TPCN1: variants seen among roughly 807,000 people sequenced by gnomAD.
TPCN1 encodes two pore channel protein 1.
In TPCN1, 52 loss-of-function variants were observed where a neutral mutation model predicts 108.8. The ratio of observed to expected loss-of-function variants is 0.48; its 90% CI spans 0.38 to 0.60. TPCN1 has a LOEUF of 0.60. Ranked by LOEUF, TPCN1 falls within the 20% of genes least tolerant of loss-of-function variation. The probability of loss-of-function intolerance (pLI) is 0.00; values close to 1 mark genes in which losing one functional copy is unlikely to be tolerated. For missense variants in TPCN1, 806 were observed against 1,072.8 expected, an observed-to-expected ratio of 0.75 and a Z score of 3.47; for synonymous variants, 446 against 433.7, an observed-to-expected ratio of 1.03 and a Z score of -0.35.
chr12:113,274,733 T>C (rs1955616690), intron 10 of TPCN1, among the ~76,000 whole-genome samples: 1 of 152,178 alleles, frequency 6.6e-6, no homozygotes, highest in African/African-American at 2.4e-5. Context: ...AGGTAGTGAG[T>C]ATGGTTCTCC....
intron 25 of TPCN1, chr12:113,292,167 A>G (rs150366230): frequency 7.3e-5 from 41 of 564,168 alleles, no homozygotes; most frequent in Non-Finnish European, 1.2e-4. Flanking sequence ...TAACTTTAAA[A>G]TAAGACAGAG....
At chr12:113,248,957 G>A (rs193069964) in intron 2 of TPCN1, among the ~76,000 whole-genome samples, 1 of 152,334 alleles carries the variant, frequency 6.6e-6, no homozygotes, top group South Asian at 2.1e-4. Context: ...CCACAGTGTG[G>A]CAGGGGAGCT....
Position 113,267,835 on chromosome 12 carries a change from G to A in TPCN1, c.415-8G>A. The A allele has an allele frequency of 6.2e-7, 1 of 1,605,908 alleles. No homozygotes were observed. The highest frequency in any genetic ancestry group is 8.5e-7 in the Non-Finnish European group (1 of 1,172,554). ...GCCATGACACATCTCCACACCCTCT[G>A]GTCTCAGGTCCACGCCACCCTGGAG... On this transcript the variant is annotated splice_region_variant and splice_polypyrimidine_tract_variant and intron_variant, in intron 4 of 27. Transcript: ENST00000335509.
chr12:113,238,646 A>T (rs1251687505), intron 2 of TPCN1, among the ~76,000 whole-genome samples: 4 of 152,142 alleles, frequency 2.6e-5, no homozygotes, highest in Admixed American at 2.0e-4. Context: ...ACCTTTGAGG[A>T]TAGTGGTTGT....
At position 113,226,711 on chromosome 12, in the gene TPCN1, T is replaced by A. The variant is rs1267049603; in HGVS notation, c.-125-17T>A. ...TTTTAATAATTATCTTTTATTTTTT[T>A]AATTCCCAAACCCTAGAAGATGCCT... On this transcript the variant is annotated splice_polypyrimidine_tract_variant and intron_variant, in intron 1 of 27. Coordinates refer to ENST00000335509, the MANE Select transcript of TPCN1 (RefSeq NM_017901.6). The A allele has an allele frequency of 1.3e-6, 2 of 1,505,294 alleles. No individual in the cohort carries two copies. Among genetic ancestry groups the A allele is most frequent in the Non-Finnish European group, 8.9e-7 (1 of 1,120,428 alleles). The allele number at this position is 1,505,294 out of a possible 1,614,324, so 93.2% of individuals were successfully genotyped here.
At chr12:113,256,722 C>T (rs948846165) in intron 2 of TPCN1, among the ~76,000 whole-genome samples, 3 of 152,082 alleles carry the variant, frequency 2.0e-5, no homozygotes, top group Non-Finnish European at 4.4e-5. Context: ...TTTGTAGAGA[C>T]AAGATCTCAC....
At chr12:113,291,201 G>A (rs532874351) in intron 23 of TPCN1, among the ~76,000 whole-genome samples, 2 of 152,254 alleles carry the variant, frequency 1.3e-5, no homozygotes, top group South Asian at 4.1e-4. Context: ...GGACTCGGCT[G>A]TTACTCCCAT....
intron 19 of TPCN1, chr12:113,287,503 T>G: frequency 5.7e-6 from 1 of 174,272 alleles, no homozygotes; most frequent in Non-Finnish European, 1.2e-5. Context: ...TCCCACTGGT[T>G]TCCCAGGGAC....
chr12:113,269,631 C>G lies in TPCN1; in HGVS notation c.660-126C>G. The G allele has an allele frequency of 1.3e-6, 1 of 796,422 alleles. No homozygotes were observed. Among genetic ancestry groups the G allele is most frequent in the Non-Finnish European group, 2.0e-6 (1 of 491,352 alleles). The allele number at this position is 796,422 out of a possible 1,614,324, so 49.3% of individuals were successfully genotyped here. ...TTTAGGAAAAAATGAAGCATGATGT[C>G]ACACCAGAGTGCGTCAGGGTTTAGT... On this transcript the variant is annotated intron_variant, in intron 6 of 27. Transcript: ENST00000335509. This position sits in a 1 kb window ranked among gnomAD's most constrained non-coding sequence, Gnocchi z 5.0.
intron 2 of TPCN1, among the ~76,000 whole-genome samples, chr12:113,235,298 C>T (rs902952769): frequency 6.6e-6 from 1 of 152,200 alleles, no homozygotes; most frequent in Admixed American, 6.5e-5. Context: ...GTGATTCTTT[C>T]CTTCTTTGTT....
intron 11 of TPCN1, 91 bp downstream of exon 11, chr12:113,277,126 GA>G: frequency 1.2e-6 from 2 of 1,601,116 alleles, no homozygotes; most frequent in South Asian, 2.2e-5. Context: ...AGCCACTTTA[GA>G]AACCAGGAAC....
intron 2 of TPCN1, among the ~76,000 whole-genome samples, chr12:113,256,240 T>C (rs1281827267): frequency 1.3e-5 from 2 of 152,104 alleles, no homozygotes; most frequent in African/African-American, 4.8e-5. Context: ...GACAAAGAAA[T>C]TGACTAATTC....
At position 113,232,401 on chromosome 12, in the gene TPCN1, G is replaced by C. The variant is rs951446475; in HGVS notation, c.112+5437G>C. On this transcript the variant is annotated intron_variant, in intron 2 of 27. Transcript: ENST00000335509. The surrounding 1 kb of genome is among the most constrained non-coding windows in gnomAD (Gnocchi z 5.6). ...CCAGGCTCAGTCAAGGTGGGCCAGA[G>C]CTGTTGGCCGCAGGGCCGCCGTAGC... 1.3e-4 allele frequency among the ~76,000 whole-genome samples: 20 copies of C among 152,280 alleles called. No individual in the cohort carries two copies. Among genetic ancestry groups the C allele is most frequent in the African/African-American group, 4.6e-4 (19 of 41,482 alleles).
Position 113,285,957 on chromosome 12 carries a change from A to C in TPCN1, c.1522A>C (p.Asn508His), listed in dbSNP as rs1353176173. Residue 508 changes from asparagine to histidine, a missense_variant, in exon 18 of 28, where the codon AAC becomes CAC. By Grantham distance (68) the Asn-to-His change is moderately conservative. Transcript: ENST00000335509. ...GPVEYLSSGW[N>H]LFDFSVTVFA... is the part of the protein sequence containing the mutation. ...TGTGGAGTACTTGTCTTCCGGATGG[A>C]ACTTGTGAGTGGACAGCATGTTTCT... The C allele has an allele frequency of 1.9e-6, 3 of 1,613,968 alleles. No homozygotes were observed. The South Asian group carries it at 3.3e-5, about 18-fold the overall frequency.
chr12:113,270,056 C>T (rs954883741), intron 7 of TPCN1, among the ~76,000 whole-genome samples: 4 of 151,984 alleles, frequency 2.6e-5, no homozygotes, highest in East Asian at 1.9e-4. Flanking sequence ...ATTAGCTGGG[C>T]GTGGTGGTGC....
In TPCN1 at chr12:113,278,190, C is replaced by G; in HGVS notation, c.1186C>G (p.Leu396Val). ...CCCTTTTTATTTTGCTTTTGGTAGC[C>G]TAAAGGACTTTTACGATATCTACGA... ...LNQNNTPLLS[L>V]KDFYDIYEVA... Residue 396 changes from leucine (L) to valine (V), a missense_variant and splice_region_variant, in exon 13 of 28, where the codon CTA becomes GTA. Coordinates refer to ENST00000335509, the MANE Select transcript of TPCN1 (RefSeq NM_017901.6). The G allele has an allele frequency of 6.2e-7, 1 of 1,613,722 alleles. No individual in the cohort carries two copies. Among genetic ancestry groups the G allele is most frequent in the Non-Finnish European group, 8.5e-7 (1 of 1,179,748 alleles).
At position 113,273,810 on chromosome 12, in the gene TPCN1, A is replaced by T; in HGVS notation, c.942+142A>T. On this transcript the variant is annotated intron_variant, in intron 10 of 27. Transcript: ENST00000335509. This position sits in a 1 kb window ranked among gnomAD's most constrained non-coding sequence, Gnocchi z 4.0. ...GGCAGGAAGTCCCAGATTCATAGTCAGGTGCGGTGTTGCAGGGAATGCCCT... is the reference window on the plus strand; with the variant it reads ...GGCAGGAAGTCCCAGATTCATAGTCTGGTGCGGTGTTGCAGGGAATGCCCT... 5.2e-6 allele frequency: 4 copies of T among 775,452 alleles called. No individual in the cohort carries two copies. In the South Asian group the frequency reaches 5.8e-5, roughly 11 times the overall value. 48.0% of individuals were successfully genotyped at this position (775,452 alleles called of 1,614,324 possible).
At chr12:113,293,726 A>G (rs1416255527) in intron 27 of TPCN1, among the ~76,000 whole-genome samples, 1 of 152,216 alleles carries the variant, frequency 6.6e-6, no homozygotes, top group African/African-American at 2.4e-5. Flanking sequence ...TCCCTGTCCA[A>G]AGGAGACAGT....
rs948008242 is a variant in TPCN1 at position 113,279,259 on chromosome 12, C to T, written c.1297+424C>T. 2.2e-4 allele frequency among the ~76,000 whole-genome samples: 32 copies of T among 145,438 alleles called. 1 individual carries two copies. The highest frequency in any genetic ancestry group is 4.8e-4 in the Non-Finnish European group (32 of 66,932). On this transcript the variant is annotated intron_variant, in intron 14 of 27. Transcript: ENST00000335509. The stretch of plus-strand genomic sequence containing the variant: ...AAACAGTAGGGTGACATTATATATT[C>T]CATTCTGTAATCTGCCTTTTCATCC...
Sources: gnomAD v4.1 joint callset for allele counts (sites outside exome capture counted in the v4.1 genomes callset) on GRCh38, gnomAD v4.1.1 for gene constraint, Gnocchi (gnomAD v3.1) non-coding constraint, MANE v1.5 for transcripts, NCBI Gene and HGNC (gene_info 2026-07-23, HGNC 2026-07-21) for gene names.